Variants in MICU1 observed in about 807,000 individuals in gnomAD.
The protein encoded by MICU1 is mitochondrial calcium uptake 1, also known as calcium uptake protein 1, mitochondrial.
Under a neutral mutation model 56.8 loss-of-function variants are expected in MICU1, and 45 were observed. That is an observed-to-expected ratio of 0.79 (90% CI 0.62 to 1.02). The LOEUF (loss-of-function observed/expected upper bound fraction) is 1.02, where lower values mean the gene tolerates loss of function less well. Ranked by LOEUF, MICU1 falls within the 50% of genes least tolerant of loss-of-function variation. The pLI is 0.00. For missense variants in MICU1, 504 were observed against 587.1 expected (o/e 0.86, Z 1.46); for synonymous variants, 186 against 195.1 (o/e 0.95, Z 0.39).
chr10:72,421,375 A>G (rs1243913864), intron 9 of MICU1, among the ~76,000 whole-genome samples: 2 of 151,130 alleles, frequency 1.3e-5, no homozygotes, highest in African/African-American at 2.4e-5. Flanking sequence ...CCCGGGTTCA[A>G]GCGATTCTCC....
At chr10:72,548,226 G>A (rs1839944308) in intron 4 of MICU1, among the ~76,000 whole-genome samples, 1 of 152,008 alleles carries the variant, frequency 6.6e-6, no homozygotes, top group African/African-American at 2.4e-5. Flanking sequence ...AAGGTGGGCT[G>A]AGAAATGTGA....
At chr10:72,553,753 G>T (rs1285182687) in intron 3 of MICU1, among the ~76,000 whole-genome samples, 1 of 152,144 alleles carries the variant, frequency 6.6e-6, no homozygotes, top group Non-Finnish European at 1.5e-5. Context: ...ATTCGTTTTT[G>T]AAATAATAGG....
At chr10:72,465,011 A>T (rs926198467) in intron 8 of MICU1, among the ~76,000 whole-genome samples, 14 of 151,992 alleles carry the variant, frequency 9.2e-5, no homozygotes, top group South Asian at 4.1e-4. Flanking sequence ...GGAAAAAAAA[A>T]TTTTTTTGAG....
Position 72,440,558 on chromosome 10 carries a change from T to C in MICU1, c.934-17187A>G, listed in dbSNP as rs187503859. Among the ~76,000 whole-genome samples the C allele has an allele frequency of 2.6e-4, 40 of 152,258 alleles. No individual in the cohort carries two copies. In the East Asian group the frequency reaches 7.5e-3, roughly 29 times the overall value. On this transcript the variant is annotated intron_variant, in intron 8 of 11. Transcript: ENST00000361114. ...GCCAAAATACACAAATGGGATCTAA[T>C]TAAACTAAAGAGCTTCTGCATGGCA...
At chr10:72,500,029 G>C (rs1012831580) in intron 6 of MICU1, among the ~76,000 whole-genome samples, 4 of 151,724 alleles carry the variant, frequency 2.6e-5, no homozygotes, top group African/African-American at 9.7e-5. Flanking sequence ...ATCAAATCTG[G>C]CTACTGTGAA....
At chr10:72,475,975 C>A (rs190701351) in intron 7 of MICU1, 254 of 442,018 alleles carry the variant, frequency 5.7e-4, no homozygotes, top group Non-Finnish European at 4.5e-4. Context: ...GCCTATAATC[C>A]CAGCACTTTG....
chr10:72,436,783 C>A (rs533799669), intron 8 of MICU1, among the ~76,000 whole-genome samples: 1 of 151,966 alleles, frequency 6.6e-6, no homozygotes, highest in South Asian at 2.1e-4. Flanking sequence ...CTTCAGCAGC[C>A]GATTCGATCA....
At chr10:72,613,492 G>A (rs978756902) in intron 1 of MICU1, among the ~76,000 whole-genome samples, 11 of 151,324 alleles carry the variant, frequency 7.3e-5, no homozygotes, top group Non-Finnish European at 1.5e-4. Context: ...GTTCAGGCTG[G>A]TCTCCAACTC....
intron 1 of MICU1, among the ~76,000 whole-genome samples, chr10:72,591,301 A>C (rs1299361194): frequency 6.6e-6 from 1 of 152,188 alleles, no homozygotes; most frequent in East Asian, 1.9e-4. Flanking sequence ...TGAACAACCT[A>C]ACTTTACAAC....
intron 6 of MICU1, among the ~76,000 whole-genome samples, chr10:72,497,069 T>C (rs1197327292): frequency 6.6e-6 from 1 of 152,050 alleles, no homozygotes; most frequent in Admixed American, 6.6e-5. Context: ...AGTTTTCTTT[T>C]TTTTTTTTGA....
chr10:72,623,710 G>A (rs893166855), intron 1 of MICU1, among the ~76,000 whole-genome samples: 32 of 152,100 alleles, frequency 2.1e-4, no homozygotes, highest in Middle Eastern at 3.4e-3. Flanking sequence ...ATGTGGTGCC[G>A]CGCCTGTAGT....
In MICU1 at chr10:72,533,792, G is replaced by T; in HGVS notation, c.494-3C>A. Reference sequence around the variant, plus strand: ...TATATATTGATCCAGACCCAAGTCTGTAAAAGAAAAGGAAAAAACATTTAG... The same window carrying T: ...TATATATTGATCCAGACCCAAGTCTTTAAAAGAAAAGGAAAAAACATTTAG... On this transcript the variant is annotated splice_polypyrimidine_tract_variant and splice_region_variant and intron_variant, in intron 4 of 11. Transcript: ENST00000361114. 1 of 1,581,346 alleles carries T rather than the reference G, an allele frequency of 6.3e-7. No individual in the cohort carries two copies. The highest frequency in any genetic ancestry group is 8.6e-7 in the Non-Finnish European group (1 of 1,163,956).
rs139118367 is a variant in MICU1, at chr10:72,462,027, T to G, written c.933+13073A>C. Reference sequence around the variant, plus strand: ...AAATCTCAGCTCCACCTTTATCATGTGTGAGACTTTGAGCAAGTTATTTAG... The same window carrying G: ...AAATCTCAGCTCCACCTTTATCATGGGTGAGACTTTGAGCAAGTTATTTAG... On this transcript the variant is annotated intron_variant, in intron 8 of 11. Transcript: ENST00000361114. 3.2e-4 allele frequency among the ~76,000 whole-genome samples: 49 copies of G among 152,264 alleles called. 1 individual carries two copies. The highest frequency in any genetic ancestry group is 1.1e-3 in the African/African-American group (47 of 41,570).
intron 1 of MICU1, among the ~76,000 whole-genome samples, chr10:72,591,638 A>G (rs1453440612): frequency 6.6e-6 from 1 of 152,150 alleles, no homozygotes; most frequent in South Asian, 2.1e-4. Flanking sequence ...AGATGGACCA[A>G]TTCCTAGAAA....
intron 1 of MICU1, among the ~76,000 whole-genome samples, chr10:72,584,600 T>C (rs1840994411): frequency 6.6e-6 from 1 of 151,962 alleles, no homozygotes; most frequent in African/African-American, 2.4e-5. Context: ...TTGCCCAAGC[T>C]GGAGTGCAGT....
intron 10 of MICU1, among the ~76,000 whole-genome samples, chr10:72,392,459 T>A (rs971052739): frequency 6.6e-6 from 1 of 152,078 alleles, no homozygotes; most frequent in East Asian, 1.9e-4. Context: ...TAATCCCAGC[T>A]ACTCAGGAGG....
chr10:72,462,129 A>G (rs767784846), intron 8 of MICU1, among the ~76,000 whole-genome samples: 4 of 152,218 alleles, frequency 2.6e-5, no homozygotes, highest in Non-Finnish European at 1.5e-5. Flanking sequence ...AACAACGTAC[A>G]GACAGCCCCC....
chr10:72,589,221 G>T (rs368188779), intron 1 of MICU1, among the ~76,000 whole-genome samples: 1 of 151,952 alleles, frequency 6.6e-6, no homozygotes, highest in Non-Finnish European at 1.5e-5. Flanking sequence ...CCCAGGAGGC[G>T]GAGGTTGCAG....
chr10:72,554,036 T>C (rs1176179861), intron 3 of MICU1, among the ~76,000 whole-genome samples: 1 of 152,226 alleles, frequency 6.6e-6, no homozygotes, highest in African/African-American at 2.4e-5. Flanking sequence ...TTCAGTCATA[T>C]ACCTTATAAG....
Sources: allele counts gnomAD v4.1 joint callset (sites outside exome capture counted in the v4.1 genomes callset), GRCh38; gene constraint gnomAD v4.1.1; transcripts MANE v1.5; gene names NCBI Gene and HGNC (gene_info 2026-07-23, HGNC 2026-07-21).